ANK2: variants seen among roughly 807,000 people sequenced by gnomAD.
ANK2 encodes ankyrin 2.
In ANK2, 83 loss-of-function variants were observed where a neutral mutation model predicts 360.5. The ratio of observed to expected loss-of-function variants is 0.23; its 90% confidence interval spans 0.19 to 0.28. The LOEUF (loss-of-function observed/expected upper bound fraction) is 0.28. ANK2 is among the 10% of genes least tolerant of loss of function. The pLI is 1.00. For synonymous variants in ANK2, 1,740 were observed against 1,759.5 expected, an observed-to-expected ratio of 0.99 and a Z score of 0.28; for missense variants, 4,201 against 4,795.7, an observed-to-expected ratio of 0.88 and a Z score of 3.66.
intron 1 of ANK2, among the ~76,000 whole-genome samples, chr4:112,843,044 T>C (rs574247801): frequency 6.6e-6 from 1 of 152,314 alleles, no homozygotes; most frequent in East Asian, 1.9e-4. Flanking sequence ...TCTTCCTCTT[T>C]GACTCTCTTT....
chr4:113,151,738 T>G (rs111890090), intron 1 of ANK2, among the ~76,000 whole-genome samples: 77 of 152,128 alleles, frequency 5.1e-4, no homozygotes, highest in African/African-American at 1.8e-3. Context: ...TATCAAGTTG[T>G]ACATAAAATG....
At chr4:113,145,983 G>T in intron 1 of ANK2, 2 of 1,289,668 alleles carry the variant, frequency 1.6e-6, no homozygotes, top group Non-Finnish European at 2.0e-6. Context: ...CAGTGAGGAC[G>T]TCAAAGAACC....
At chr4:112,871,514 C>T (rs1302554713) in intron 1 of ANK2, among the ~76,000 whole-genome samples, 1 of 152,026 alleles carries the variant, frequency 6.6e-6, no homozygotes, top group Non-Finnish European at 1.5e-5. Flanking sequence ...AAGTTGGATT[C>T]TTTAGAGTTT....
chr4:112,978,440 C>G (rs551433393), intron 2 of ANK2, among the ~76,000 whole-genome samples: 2 of 152,200 alleles, frequency 1.3e-5, no homozygotes, highest in East Asian at 3.9e-4. Flanking sequence ...TTTCATTTTC[C>G]CAAACTGAAA....
At chr4:113,138,584 T>G (rs1281097978) in intron 1 of ANK2, among the ~76,000 whole-genome samples, 1 of 152,224 alleles carries the variant, frequency 6.6e-6, no homozygotes, top group Non-Finnish European at 1.5e-5. Flanking sequence ...GTATTTTCAA[T>G]GTCTATGTCT....
chr4:113,114,763 T>G (rs1192579713), intron 1 of ANK2, among the ~76,000 whole-genome samples: 1 of 152,140 alleles, frequency 6.6e-6, no homozygotes, highest in African/African-American at 2.4e-5. Context: ...GTGCTGATGA[T>G]TTTTCACTTT....
chr4:113,365,645 A>G lies in ANK2; in HGVS notation c.11032+463A>G, dbSNP rs114924922. Among the ~76,000 whole-genome samples, 1,202 of 148,450 alleles carry G rather than the reference A, an allele frequency of 8.1e-3. 16 individuals carry two copies. Among genetic ancestry groups the G allele is most frequent in the African/African-American group, 0.028 (1,140 of 40,580 alleles). ...GTTAAAGTTCCCCTAACCTATTCTC[A>G]TTCATTTGTGGTCTCTAACACTGTT... On this transcript the variant is annotated intron_variant, in intron 41 of 45. Transcript: ENST00000357077.
chr4:113,252,424 T>C (rs900959372), intron 10 of ANK2, among the ~76,000 whole-genome samples: 1 of 152,188 alleles, frequency 6.6e-6, no homozygotes, highest in African/African-American at 2.4e-5. Flanking sequence ...ACTATCTAAG[T>C]GTCACCCCCT....
chr4:112,771,353 G>A, the ANK2 span, among the ~76,000 whole-genome samples: 1 of 152,060 alleles, frequency 6.6e-6, no homozygotes, highest in African/African-American at 2.4e-5. Context: ...CCCGATCTCA[G>A]GTGATCTGCC....
intron 1 of ANK2, among the ~76,000 whole-genome samples, chr4:112,829,629 G>A (rs2059269336): frequency 6.6e-6 from 1 of 151,720 alleles, no homozygotes; most frequent in Non-Finnish European, 1.5e-5. Flanking sequence ...ACCACAATGA[G>A]ATACCATCTC....
At chr4:112,958,901 T>C (rs1207686620) in intron 2 of ANK2, among the ~76,000 whole-genome samples, 1 of 151,492 alleles carries the variant, frequency 6.6e-6, no homozygotes, top group East Asian at 1.9e-4. Flanking sequence ...CAGGCTGGAG[T>C]GCGATGGCAT....
Position 113,358,906 on chromosome 4 carries a change from G to C in ANK2, c.10288G>C (p.Glu3430Gln), listed in dbSNP as rs1554571927. 6.2e-7 allele frequency: 1 copy of C among 1,613,774 alleles called. No homozygotes were observed. The highest frequency in any genetic ancestry group is 8.5e-7 in the Non-Finnish European group (1 of 1,179,896). ...CGAGGAACTTGAGTTAGAATCAGAA[G>C]AAGGGGCCACAAGACCAAAGATACT... ...RAEELELESE[E>Q]GATRPKILTS... Residue 3430 changes from glutamate (E) to glutamine (Q), a missense_variant, in exon 38 of 46, where the codon GAA (glutamate) becomes CAA (glutamine). Transcript: ENST00000357077.
chr4:112,820,538 A>G lies in ANK2; in HGVS notation c.-40+2274A>G, dbSNP rs972854757. On this transcript the variant is annotated intron_variant, in intron 1 of 30. Coordinates refer to the ANK2 transcript ENST00000503271. ...TAAAATGCTGTGTAATTATTAGCAT[A>G]GTAAAATGACTGTAATTTCACCGTC... Among the ~76,000 whole-genome samples, 6 of 152,254 alleles carry G rather than the reference A, an allele frequency of 3.9e-5. No individual in the cohort carries two copies. The South Asian group carries it at 6.2e-4, about 16-fold the overall frequency.
At chr4:113,192,508 C>T (rs1211619740) in intron 2 of ANK2, among the ~76,000 whole-genome samples, 1 of 152,090 alleles carries the variant, frequency 6.6e-6, no homozygotes, top group African/African-American at 2.4e-5. Flanking sequence ...GTTTATGCAT[C>T]GTGACCTACA....
At chr4:112,929,641 A>G (rs2092959506) in intron 2 of ANK2, among the ~76,000 whole-genome samples, 1 of 152,206 alleles carries the variant, frequency 6.6e-6, no homozygotes. Flanking sequence ...CTATTTCTTG[A>G]CCTCAGATGA....
At chr4:113,096,960 G>T (rs1435632589) in intron 1 of ANK2, among the ~76,000 whole-genome samples, 1 of 151,076 alleles carries the variant, frequency 6.6e-6, no homozygotes, top group Non-Finnish European at 1.5e-5. Context: ...CATATGCCTT[G>T]GGCAAAAGCA....
At chr4:113,131,317 G>GCA (rs930200988) in intron 1 of ANK2, among the ~76,000 whole-genome samples, 39 of 152,284 alleles carry the variant, frequency 2.6e-4, no homozygotes, top group African/African-American at 8.9e-4. Context: ...CTGCCCTGAA[G>GCA]CATAGCCTCT....
At chr4:112,717,231 G>GA in the ANK2 span, among the ~76,000 whole-genome samples, 1 of 152,094 alleles carries the variant, frequency 6.6e-6, no homozygotes, top group South Asian at 2.1e-4. Context: ...AATAAATGTA[G>GA]AAGCTGCCTG....
chr4:113,066,546 A>G (rs1487665634), intron 1 of ANK2, among the ~76,000 whole-genome samples: 2 of 152,220 alleles, frequency 1.3e-5, no homozygotes, highest in African/African-American at 2.4e-5. Flanking sequence ...ATGGAAACAT[A>G]CATAGCCTAT....
Sources: allele counts gnomAD v4.1 joint callset (sites outside exome capture counted in the v4.1 genomes callset), GRCh38; gene constraint gnomAD v4.1.1; transcripts MANE v1.5; gene names NCBI Gene and HGNC (gene_info 2026-07-23, HGNC 2026-07-21).